The following KLK15 variants were observed in gnomAD, a reference collection of about 807,000 sequenced individuals.
The protein encoded by KLK15 is kallikrein-15.
Under a neutral mutation model 21.1 loss-of-function variants are expected in KLK15, and 19 were observed. The observed-to-expected ratio is 0.90, with a 90% CI of 0.63 to 1.32. KLK15 has a LOEUF of 1.32. Among genes scored for constraint, KLK15 ranks in the 40% most tolerant of loss-of-function variants. The pLI, the probability that KLK15 is intolerant of heterozygous loss-of-function variation, is 0.00. For synonymous variants in KLK15, 141 were observed against 141.5 expected (o/e 1.00, Z 0.03); for missense variants, 345 against 348.6 (o/e 0.99, Z 0.08).
chr19:50,832,130 C>T (rs1463036980), upstream of KLK15, among the ~76,000 whole-genome samples: 1 of 7,044 alleles, frequency 1.4e-4, no homozygotes, highest in East Asian at 0.013. Context: ...CTATCTCAAC[C>T]CTCTTATCTG....
chr19:50,825,839 C>A (rs2089870333), exon 5 of KLK15: 2 of 1,613,954 alleles, frequency 1.2e-6, no homozygotes, highest in Non-Finnish European at 8.5e-7. Context: ...CAAGTAGTGG[C>A]AGACTTTGGT....
At chr19:50,827,049 G>C in exon 3 of KLK15, 2 of 1,606,438 alleles carry the variant, frequency 1.2e-6, no homozygotes, top group Non-Finnish European at 1.7e-6. Flanking sequence ...ATGTCGTTGC[G>C]GTGGCTGCGC....
At chr19:50,833,247 G>A (rs561332495), upstream of KLK15, 6 of 152,910 alleles carry the variant, frequency 3.9e-5, no homozygotes, top group East Asian at 9.7e-4. Flanking sequence ...ACTTGAACCC[G>A]TGATCACTCC....
At chr19:50,830,658 A>G (rs2123421154) in intron 1 of KLK15, 1 of 175,258 alleles carries the variant, frequency 5.7e-6, no homozygotes, top group African/African-American at 2.4e-5. Context: ...GCAGAACGTT[A>G]ATGAAAGTCC....
At chr19:50,826,559 C>A in intron 4 of KLK15, 62 bp downstream of exon 5, 4 of 1,505,346 alleles carry the variant, frequency 2.7e-6, no homozygotes. Context: ...CCAACCCCAT[C>A]CGGACTCCCA....
Position 50,830,133 on chromosome 19 carries a change from C to A in KLK15, c.43+1317G>T, listed in dbSNP as rs111292475. Among the ~76,000 whole-genome samples the A allele has an allele frequency of 8.6e-3, 1,287 of 149,540 alleles. 39 individuals are homozygous for A. Among genetic ancestry groups the A allele is most frequent in the African/African-American group, 0.03 (1,216 of 41,014 alleles). On this transcript the variant is annotated intron_variant, in intron 1 of 4. Coordinates refer to ENST00000598239, the Ensembl canonical transcript of KLK15. ...TGGAGAGGATGTGAACATACAGGGC[C>A]TTGTATACCCACTGCACACGTGCAT...
At chr19:50,825,525 G>A (rs1017702353), downstream of KLK15, 5 of 301,716 alleles carry the variant, frequency 1.7e-5, no homozygotes, top group Admixed American at 4.8e-5. Context: ...AAAAGGAACA[G>A]TGTACAGTGT....
At chr19:50,826,918 G>T in exon 3 of KLK15, 1 of 1,580,882 alleles carries the variant, frequency 6.3e-7, no homozygotes, top group Non-Finnish European at 8.6e-7. Flanking sequence ...GCTCGTTGTG[G>T]GACACCAGGC....
chr19:50,832,727 C>T (rs927259741), upstream of KLK15, among the ~76,000 whole-genome samples: 2 of 152,148 alleles, frequency 1.3e-5, no homozygotes, highest in African/African-American at 4.8e-5. Context: ...TCCCTCCTGC[C>T]ATTTCATGCT....
chr19:50,828,243 G>A (rs958520257), intron 1 of KLK15, among the ~76,000 whole-genome samples: 2 of 151,298 alleles, frequency 1.3e-5, no homozygotes, highest in Non-Finnish European at 3.0e-5. Context: ...ACCATGCTCC[G>A]CCTGCCCTGT....
chr19:50,831,168 C>T, intron 1 of KLK15: 1 of 326,480 alleles, frequency 3.1e-6, no homozygotes, highest in South Asian at 1.3e-4. Context: ...GGACACACAG[C>T]AAGGAAGCGG....
At chr19:50,825,825 A>T in exon 5 of KLK15, 1 of 1,613,706 alleles carries the variant, frequency 6.2e-7, no homozygotes, top group Non-Finnish European at 8.5e-7. Flanking sequence ...TCCCTGATCC[A>T]CTCCAAGTAG....
upstream of KLK15, among the ~76,000 whole-genome samples, chr19:50,832,407 C>T (rs963222292): frequency 6.8e-6 from 1 of 147,078 alleles, no homozygotes; most frequent in Non-Finnish European, 1.5e-5. Context: ...ACTGTAACCT[C>T]TGCCTTCTGG....
At chr19:50,825,530 C>T (rs2089865304), downstream of KLK15, 1 of 316,276 alleles carries the variant, frequency 3.2e-6, no homozygotes, top group Admixed American at 4.6e-5. Context: ...GAACAGTGTA[C>T]AGTGTCTCGG....
rs1483344128 is a variant in KLK15 at position 50,830,152 on chromosome 19, C to T, written c.43+1298G>A. ...CAGGGCCTTGTATACCCACTGCACA[C>T]GTGCATGTACACACACACACACACA... On this transcript the variant is annotated intron_variant, in intron 1 of 4. Transcript: ENST00000598239. Among the ~76,000 whole-genome samples, 8 of 130,156 alleles carry T rather than the reference C, an allele frequency of 6.1e-5. No individual in the cohort carries two copies. In the South Asian group the frequency reaches 1.3e-3, roughly 21 times the overall value. 85.4% of individuals were successfully genotyped at this position (130,156 alleles called of 152,430 possible). A position where few individuals can be genotyped will look rare whatever the true frequency, so the allele number is the denominator to read the frequency against.
upstream of KLK15, among the ~76,000 whole-genome samples, chr19:50,832,245 C>T (rs1276257188): frequency 6.6e-6 from 1 of 152,030 alleles, no homozygotes; most frequent in African/African-American, 2.4e-5. Context: ...CCCTCCCCTG[C>T]TCACCACCCT....
intron 1 of KLK15, 73 bp downstream of exon 2, chr19:50,831,377 C>G (rs1308882049): frequency 1.1e-5 from 13 of 1,139,298 alleles, no homozygotes; most frequent in Non-Finnish European, 1.5e-5. Context: ...GCTGGCAGAT[C>G]ACTGGGCCCA....
intron 4 of KLK15, 148 bp downstream of exon 5, chr19:50,826,473 C>T: frequency 3.2e-6 from 3 of 932,414 alleles, no homozygotes; most frequent in East Asian, 2.7e-5. Flanking sequence ...CCAACCTCAC[C>T]CCTATTCTAA....
intron 1 of KLK15, 115 bp downstream of exon 2, chr19:50,831,335 A>C: frequency 2.8e-6 from 2 of 708,184 alleles, no homozygotes; most frequent in Non-Finnish European, 4.3e-6. Flanking sequence ...GGGTGAAGGA[A>C]GGATCTTTAG....
Sources: gnomAD v4.1 joint callset for allele counts (sites outside exome capture counted in the v4.1 genomes callset) on GRCh38, gnomAD v4.1.1 for gene constraint, MANE v1.5 for transcripts, NCBI Gene and HGNC (gene_info 2026-07-23, HGNC 2026-07-21) for gene names.